GPHN: variants seen among roughly 807,000 people sequenced by gnomAD.
GPHN encodes gephyrin.
GPHN carries 17 observed loss-of-function variants against 95.5 expected under a neutral mutation model. The observed-to-expected ratio is 0.18, with a 90% CI of 0.12 to 0.27. The LOEUF is 0.27. Among genes scored for constraint, GPHN ranks in the 10% least tolerant of loss-of-function variants. The pLI, the probability that GPHN is intolerant of heterozygous loss-of-function variation, is 1.00. For synonymous variants in GPHN, 320 were observed against 322.5 expected (o/e 0.99, Z 0.08); for missense variants, 660 against 978.1 (o/e 0.67, Z 4.34).
intron 1 of GPHN, among the ~76,000 whole-genome samples, chr14:66,523,114 A>G (rs1196130122): frequency 6.6e-6 from 1 of 152,108 alleles, no homozygotes; most frequent in East Asian, 1.9e-4. Flanking sequence ...TTATTGATCT[A>G]AAGTGTTTTC....
At chr14:66,525,726 C>T (rs143665011) in intron 1 of GPHN, among the ~76,000 whole-genome samples, 21 of 152,208 alleles carry the variant, frequency 1.4e-4, no homozygotes, top group Admixed American at 7.2e-4. Context: ...GCCAGTTTTA[C>T]GAACACCATT....
At chr14:67,632,560 G>A in the GPHN span, among the ~76,000 whole-genome samples, 1 of 152,026 alleles carries the variant, frequency 6.6e-6, no homozygotes, top group African/African-American at 2.4e-5. Context: ...TTGTACCCAG[G>A]GGAGTTAGGC....
the GPHN span, among the ~76,000 whole-genome samples, chr14:67,492,691 C>T: frequency 3.9e-5 from 6 of 152,228 alleles, no homozygotes; most frequent in Non-Finnish European, 8.8e-5. Flanking sequence ...CTTTTCACAG[C>T]CTGTACAGCC....
chr14:67,582,248 C>T, the GPHN span: 1 of 1,612,810 alleles, frequency 6.2e-7, no homozygotes. This position sits in a 1 kb window ranked among gnomAD's most constrained non-coding sequence, Gnocchi z 5.0. Context: ...GTCGGGTTGC[C>T]AGCTTAGAAT....
chr14:66,596,079 A>G (rs960937815), intron 1 of GPHN, among the ~76,000 whole-genome samples: 5 of 152,032 alleles, frequency 3.3e-5, no homozygotes, highest in African/African-American at 4.8e-5. Context: ...TTCTCTCCAC[A>G]GGCAGGTTGT....
the GPHN span, chr14:67,198,108 T>G: frequency 6.4e-7 from 1 of 1,571,854 alleles, no homozygotes; most frequent in South Asian, 1.2e-5. Flanking sequence ...TCTCTCTGTA[T>G]CCACTAATTG....
chr14:66,625,627 T>G (rs1172683528), intron 1 of GPHN, among the ~76,000 whole-genome samples: 1 of 152,174 alleles, frequency 6.6e-6, no homozygotes, highest in Non-Finnish European at 1.5e-5. Context: ...CCAAGAATTC[T>G]TCCTCCAATG....
intron 5 of GPHN, among the ~76,000 whole-genome samples, chr14:66,913,112 G>A (rs1274152241): frequency 1.3e-5 from 2 of 152,098 alleles, no homozygotes; most frequent in African/African-American, 2.4e-5. Context: ...ATTCCTGTAT[G>A]ATGCATATGT....
At chr14:67,137,425 A>G (rs1284369804) in intron 17 of GPHN, among the ~76,000 whole-genome samples, 1 of 151,584 alleles carries the variant, frequency 6.6e-6, no homozygotes, top group African/African-American at 2.4e-5. Flanking sequence ...GATTACAGGC[A>G]TGAGCCACCA....
intron 4 of GPHN, among the ~76,000 whole-genome samples, chr14:66,868,713 AAACATCATTGTCTGTTAGC>A (rs1168306635): frequency 1.2e-4 from 18 of 152,122 alleles, no homozygotes; most frequent in Admixed American, 8.5e-4. Context: ...GTACATTTTT[AAACATCATTGTCTGTTAGC>A]AATATCTTTT....
At chr14:67,195,173 A>G in the GPHN span, among the ~76,000 whole-genome samples, 1 of 152,284 alleles carries the variant, frequency 6.6e-6, no homozygotes, top group African/African-American at 2.4e-5. Context: ...TATTTAGAAC[A>G]TCACAGCAAA....
At chr14:67,591,084 A>T in the GPHN span, among the ~76,000 whole-genome samples, 3 of 152,204 alleles carry the variant, frequency 2.0e-5, no homozygotes, top group African/African-American at 7.2e-5. Flanking sequence ...AGAATTGTTA[A>T]AAATATATAA....
intron 1 of GPHN, among the ~76,000 whole-genome samples, chr14:66,590,308 A>T (rs573262361): frequency 6.6e-6 from 1 of 152,122 alleles, no homozygotes; most frequent in African/African-American, 2.4e-5. Flanking sequence ...GCAGAAGACA[A>T]GAAATAACTA....
At chr14:67,584,088 A>C in the GPHN span, 1 of 1,613,986 alleles carries the variant, frequency 6.2e-7, no homozygotes, top group South Asian at 1.1e-5. Flanking sequence ...TGGCCAGGAA[A>C]TGGCCTTTCT....
At chr14:67,161,509 C>T (rs2081979533) in intron 19 of GPHN, among the ~76,000 whole-genome samples, 1 of 151,964 alleles carries the variant, frequency 6.6e-6, no homozygotes. Flanking sequence ...CACCTATAAT[C>T]CCAGCATTTT....
At chr14:67,686,198 C>T in the GPHN span, 1 of 152,206 alleles carries the variant, frequency 6.6e-6, no homozygotes, top group South Asian at 2.1e-4. Context: ...CAAATCCTGG[C>T]TCCACTCATT....
At chr14:67,728,993 C>CT in the GPHN span, among the ~76,000 whole-genome samples, 1 of 152,156 alleles carries the variant, frequency 6.6e-6, no homozygotes, top group Non-Finnish European at 1.5e-5. Flanking sequence ...ACATAGAAGG[C>CT]TGAGAAGGCT....
intron 2 of GPHN, among the ~76,000 whole-genome samples, chr14:66,738,943 T>C (rs1302161337): frequency 6.6e-6 from 1 of 152,134 alleles, no homozygotes; most frequent in African/African-American, 2.4e-5. Flanking sequence ...ATATATTTTA[T>C]TGGATGCTTA....
chr14:66,657,626 G>A (rs1011772257), intron 1 of GPHN, among the ~76,000 whole-genome samples: 1 of 152,094 alleles, frequency 6.6e-6, no homozygotes, highest in Non-Finnish European at 1.5e-5. Context: ...GGTCCCTTAA[G>A]AATTATGCTG....
Sources: gnomAD v4.1 joint callset for allele counts (sites outside exome capture counted in the v4.1 genomes callset) on GRCh38, gnomAD v4.1.1 for gene constraint, Gnocchi (gnomAD v3.1) non-coding constraint, MANE v1.5 for transcripts, NCBI Gene and HGNC (gene_info 2026-07-23, HGNC 2026-07-21) for gene names.